Variants in LRRTM3 observed in about 807,000 individuals in gnomAD.
LRRTM3 encodes the protein leucine-rich repeat transmembrane neuronal protein 3.
A neutral mutation model predicts 44.7 loss-of-function variants in LRRTM3; 24 were observed. The ratio of observed to expected loss-of-function variants is 0.54; its 90% CI spans 0.39 to 0.76. The LOEUF is 0.76. Ranked by LOEUF, LRRTM3 falls within the 30% of genes least tolerant of loss-of-function variation. The probability of loss-of-function intolerance (pLI) is 0.00; values close to 1 mark genes in which losing one functional copy is unlikely to be tolerated. For synonymous variants in LRRTM3, 277 were observed against 278.7 expected (o/e 0.99, Z 0.06); for missense variants, 587 against 702.2 (o/e 0.84, Z 1.85).
chr10:67,058,875 A>G (rs1185214325), intron 2 of LRRTM3, among the ~76,000 whole-genome samples: 1 of 152,168 alleles, frequency 6.6e-6, no homozygotes, highest in Non-Finnish European at 1.5e-5. Flanking sequence ...TAAAATGAAG[A>G]TACTTAGTAT....
chr10:66,996,523 C>T (rs1851352834), intron 2 of LRRTM3, among the ~76,000 whole-genome samples: 1 of 151,844 alleles, frequency 6.6e-6, no homozygotes, highest in African/African-American at 2.4e-5. Flanking sequence ...TGGCGCGTGC[C>T]TGTAGTCCCA....
At chr10:66,940,277 G>A (rs1170252288) in intron 2 of LRRTM3, among the ~76,000 whole-genome samples, 1 of 152,040 alleles carries the variant, frequency 6.6e-6, no homozygotes, top group African/African-American at 2.4e-5. Flanking sequence ...AGGCAAGGAG[G>A]ATCACTTGAG....
intron 2 of LRRTM3, among the ~76,000 whole-genome samples, chr10:67,066,287 G>A (rs559609425): frequency 2.7e-5 from 4 of 146,256 alleles, no homozygotes; most frequent in African/African-American, 1.0e-4. Context: ...CCGCCTCCCG[G>A]GTTCAAGAGA....
chr10:67,005,537 G>A (rs780879150), intron 2 of LRRTM3, among the ~76,000 whole-genome samples: 19 of 151,910 alleles, frequency 1.3e-4, no homozygotes, highest in Non-Finnish European at 1.9e-4. Context: ...TGTTATTGCT[G>A]AAGAAAGGAA....
intron 2 of LRRTM3, among the ~76,000 whole-genome samples, chr10:66,968,938 A>C (rs544293819): frequency 6.6e-6 from 1 of 151,978 alleles, no homozygotes; most frequent in Non-Finnish European, 1.5e-5. Context: ...AATTGCTTGA[A>C]CCCAGGAAGC....
Position 66,968,701 on chromosome 10 carries a change from A to T in LRRTM3, c.1536+40249A>T, listed in dbSNP as rs886795638. ...GCACCATATTGAGTCTTAAAGTTAC[A>T]TTTTTAATAGGTTAAATTTAAATAC... On this transcript the variant is annotated intron_variant, in intron 2 of 2. Coordinates refer to ENST00000361320, the MANE Select transcript of LRRTM3 (RefSeq NM_178011.5). Among the ~76,000 whole-genome samples the T allele has an allele frequency of 9.9e-5, 15 of 152,168 alleles. No homozygotes were observed. In the South Asian group the frequency reaches 2.3e-3, roughly 23 times the overall value.
chr10:67,062,648 T>C (rs1308471067), intron 2 of LRRTM3, among the ~76,000 whole-genome samples: 1 of 152,084 alleles, frequency 6.6e-6, no homozygotes, highest in Non-Finnish European at 1.5e-5. Flanking sequence ...TCTTTGCAAA[T>C]GTTCTGAATT....
chr10:66,934,111 G>A (rs183010239), intron 2 of LRRTM3, among the ~76,000 whole-genome samples: 4 of 152,038 alleles, frequency 2.6e-5, no homozygotes, highest in African/African-American at 4.8e-5. Context: ...GACCAAGCAA[G>A]TACAATGTAT....
intron 2 of LRRTM3, among the ~76,000 whole-genome samples, chr10:67,084,117 A>T (rs1857185849): frequency 6.6e-6 from 1 of 152,068 alleles, no homozygotes; most frequent in Admixed American, 6.6e-5. Flanking sequence ...AAACACCTAT[A>T]TTTATAACTA....
At chr10:67,017,959 ATGGGGTTTCACCATGTTGGCAAGGC>A (rs1315130451) in intron 2 of LRRTM3, among the ~76,000 whole-genome samples, 3 of 151,984 alleles carry the variant, frequency 2.0e-5, no homozygotes, top group Non-Finnish European at 2.9e-5. Context: ...TTAAGTTGAG[ATGGGGTTTCACCATGTTGGCAAGGC>A]TGGTCTCAAA....
intron 2 of LRRTM3, among the ~76,000 whole-genome samples, chr10:67,074,342 C>CTTTTTTTTTT (rs36186252): frequency 1.5e-5 from 1 of 68,726 alleles, no homozygotes; most frequent in Non-Finnish European, 2.5e-5. Context: ...CACTTTAACT[C>CTTTTTTTTTT]TTTTTTTTTT....
In LRRTM3 at chr10:66,926,212, C is replaced by T. The variant is rs1028182404; in HGVS notation, c.-372C>T. On this transcript the variant is annotated 5_prime_UTR_variant, in exon 1 of 3. Transcript: ENST00000361320. ...TGGCAGCTCAGGTAGCCCCAAATTG[C>T]CTGGAAGAATACATCATGTTTTTCG... 2.2e-6 allele frequency: 1 copy of T among 449,988 alleles called. No homozygotes were observed. The highest frequency in any genetic ancestry group is 2.0e-5 in the African/African-American group (1 of 49,790). 27.9% of individuals were successfully genotyped at this position (449,988 alleles called of 1,614,324 possible).
chr10:66,977,151 A>T (rs1850084834), intron 2 of LRRTM3, among the ~76,000 whole-genome samples: 1 of 152,072 alleles, frequency 6.6e-6, no homozygotes, highest in Non-Finnish European at 1.5e-5. Flanking sequence ...AGAATATATA[A>T]AGGTTGGCCG....
intron 2 of LRRTM3, among the ~76,000 whole-genome samples, chr10:66,979,384 A>G (rs1440588843): frequency 3.3e-5 from 5 of 152,168 alleles, no homozygotes; most frequent in Admixed American, 2.0e-4. Context: ...GTATTAGAAC[A>G]CACCTATGGA....
At chr10:67,045,107 C>T (rs1218248476) in intron 2 of LRRTM3, among the ~76,000 whole-genome samples, 3 of 152,152 alleles carry the variant, frequency 2.0e-5, no homozygotes, top group Admixed American at 6.5e-5. Context: ...CTACCAGATA[C>T]GTGATGCTAC....
At chr10:66,984,660 C>A (rs201061139) in intron 2 of LRRTM3, among the ~76,000 whole-genome samples, 1 of 152,026 alleles carries the variant, frequency 6.6e-6, no homozygotes, top group East Asian at 1.9e-4. Flanking sequence ...GAAGTTTTAC[C>A]CTCTTAATTT....
chr10:66,999,451 A>T (rs1448194682), intron 2 of LRRTM3, among the ~76,000 whole-genome samples: 1 of 152,148 alleles, frequency 6.6e-6, no homozygotes, highest in African/African-American at 2.4e-5. Context: ...TTACACAGAA[A>T]ACTGGGCTGT....
rs182964155 is a variant in LRRTM3, at chr10:66,935,326, T to C, written c.1536+6874T>C. 7.4e-4 allele frequency among the ~76,000 whole-genome samples: 112 copies of C among 152,226 alleles called. 1 individual carries two copies. Among genetic ancestry groups the C allele is most frequent in the African/African-American group, 2.6e-3 (110 of 41,576 alleles). On this transcript the variant is annotated intron_variant, in intron 2 of 2. Coordinates refer to ENST00000361320, the MANE Select transcript of LRRTM3 (RefSeq NM_178011.5). ...TAAGGTACAACAGTGAAAATAGTTA[T>C]AACGGTGAAAACTCTAGGAAGTTTA...
At chr10:66,965,479 G>T (rs528149763) in intron 2 of LRRTM3, among the ~76,000 whole-genome samples, 2 of 150,250 alleles carry the variant, frequency 1.3e-5, no homozygotes, top group African/African-American at 4.9e-5. Context: ...AGGTTGCAGT[G>T]AGCCGAGATC....
Sources: allele counts gnomAD v4.1 joint callset (sites outside exome capture counted in the v4.1 genomes callset), GRCh38; gene constraint gnomAD v4.1.1; transcripts MANE v1.5; gene names NCBI Gene and HGNC (gene_info 2026-07-23, HGNC 2026-07-21).